LEF1: variants seen among roughly 807,000 people sequenced by gnomAD.
LEF1 encodes the protein lymphoid enhancer-binding factor 1.
In LEF1, 14 loss-of-function variants were observed where a neutral mutation model predicts 51.2. The ratio of observed to expected loss-of-function variants is 0.27; its 90% CI spans 0.18 to 0.43. The LOEUF (loss-of-function observed/expected upper bound fraction) is 0.43, where lower values mean the gene tolerates loss of function less well. Ranked by LOEUF, LEF1 falls within the 20% of genes least tolerant of loss-of-function variation. The pLI is 1.00. For missense variants in LEF1, 386 were observed against 512.0 expected (o/e 0.75, Z 2.37); for synonymous variants, 185 against 183.2 (o/e 1.01, Z -0.08).
At chr4:108,161,460 T>C (rs1261265580) in intron 3 of LEF1, among the ~76,000 whole-genome samples, 1 of 152,238 alleles carries the variant, frequency 6.6e-6, no homozygotes, top group East Asian at 1.9e-4. Context: ...ACATTTATTC[T>C]GGCCACAAAT....
chr4:108,103,343 G>C (rs1740945883), intron 3 of LEF1, among the ~76,000 whole-genome samples: 1 of 152,184 alleles, frequency 6.6e-6, no homozygotes, highest in Non-Finnish European at 1.5e-5. Context: ...GCTGATAAAT[G>C]GGATGTCAAG....
At position 108,109,035 on chromosome 4, in the gene LEF1, C is replaced by T. The variant is rs78020283; in HGVS notation, c.415-19778G>A. Among the ~76,000 whole-genome samples the T allele has an allele frequency of 2.0e-4, 30 of 152,308 alleles. No individual in the cohort carries two copies. The East Asian group carries it at 5.4e-3, about 27-fold the overall frequency. ...TTTGATGTGCAAAAACTTAACATTTCTACCTAGGGATGTAGTTTTGATAAC... is the reference window on the plus strand; with the variant it reads ...TTTGATGTGCAAAAACTTAACATTTTTACCTAGGGATGTAGTTTTGATAAC... On this transcript the variant is annotated intron_variant, in intron 3 of 11. Coordinates refer to ENST00000265165, the MANE Select transcript of LEF1 (RefSeq NM_016269.5).
At chr4:108,150,126 C>T (rs1017907767) in intron 3 of LEF1, among the ~76,000 whole-genome samples, 2 of 152,158 alleles carry the variant, frequency 1.3e-5, no homozygotes, top group Admixed American at 1.3e-4. Context: ...TTTAAACCAA[C>T]ATCATGATAC....
chr4:108,127,648 C>T (rs1012498585), intron 3 of LEF1, among the ~76,000 whole-genome samples: 53 of 152,266 alleles, frequency 3.5e-4, no homozygotes, highest in African/African-American at 1.1e-3. Flanking sequence ...GGCAGAGTAT[C>T]TAGCCATTTC....
chr4:108,158,365 C>T (rs1744858628), intron 3 of LEF1, among the ~76,000 whole-genome samples: 1 of 152,030 alleles, frequency 6.6e-6, no homozygotes, highest in Admixed American at 6.6e-5. Context: ...AGCACAAACA[C>T]TTAAGCAACA....
intron 3 of LEF1, among the ~76,000 whole-genome samples, chr4:108,106,645 A>C (rs1291075217): frequency 6.6e-6 from 1 of 152,206 alleles, no homozygotes; most frequent in Non-Finnish European, 1.5e-5. Flanking sequence ...GCAAAGTGGT[A>C]GAGCCAGCAC....
In LEF1 at chr4:108,079,562, G is replaced by A. The variant is rs1431667365; in HGVS notation, c.775C>T (p.Pro259Ser). The A allele has an allele frequency of 6.2e-7, 1 of 1,613,886 alleles. No homozygotes were observed. The highest frequency in any genetic ancestry group is 1.7e-5 in the Admixed American group (1 of 60,012). ...TGAGGTGTTACAATAGCTGGATGAG[G>A]GATGCCAGTTGTGTGGGGACCAGGA... ...GPPGPHTTGI[P>S]HPAIVTPQVK... Residue 259 changes from proline to serine, a missense_variant, in exon 7 of 12, where the codon CCT becomes TCT. By Grantham distance (74) the Pro-to-Ser change is moderately conservative. Coordinates refer to ENST00000265165, the MANE Select transcript of LEF1 (RefSeq NM_016269.5).
chr4:108,136,953 A>G (rs1743302325), intron 3 of LEF1, among the ~76,000 whole-genome samples: 1 of 152,184 alleles, frequency 6.6e-6, no homozygotes, highest in Non-Finnish European at 1.5e-5. Context: ...TTTGCTAAGG[A>G]TAAAGCTATT....
rs78633548 is a variant in LEF1 at position 108,102,939 on chromosome 4, G to A, written c.415-13682C>T. Among the ~76,000 whole-genome samples, 531 of 152,308 alleles carry A rather than the reference G, an allele frequency of 3.5e-3. 2 individuals carry two copies. Among genetic ancestry groups the A allele is most frequent in the African/African-American group, 0.012 (506 of 41,574 alleles). ...TTTGGATCTCATTATCACCCTGCAA[G>A]AAAGGTATTAATAAATATCCCATGT... is the stretch of plus-strand genomic sequence containing the variant. On this transcript the variant is annotated intron_variant, in intron 3 of 11. Transcript: ENST00000265165.
intron 3 of LEF1, among the ~76,000 whole-genome samples, chr4:108,119,993 ATGTGTGTGTGTGTGTGTG>A (rs34987010): frequency 7.4e-5 from 11 of 149,594 alleles, no homozygotes; most frequent in Admixed American, 5.3e-4. Flanking sequence ...TATTTTATAT[ATGTGTGTGTGTGTGTGTG>A]TGTGTGTGTG....
At chr4:108,050,113 C>A (rs1218892544) in intron 11 of LEF1, among the ~76,000 whole-genome samples, 1 of 152,192 alleles carries the variant, frequency 6.6e-6, no homozygotes, top group Non-Finnish European at 1.5e-5. Context: ...CAAAAACCAA[C>A]CAACCAACAA....
At chr4:108,155,708 A>T (rs1413634388) in intron 3 of LEF1, among the ~76,000 whole-genome samples, 1 of 152,204 alleles carries the variant, frequency 6.6e-6, no homozygotes, top group Admixed American at 6.5e-5. Context: ...CAGATCAGGT[A>T]GACAAGCCCG....
chr4:108,112,448 G>T (rs1301978866), intron 3 of LEF1, among the ~76,000 whole-genome samples: 2 of 152,180 alleles, frequency 1.3e-5, no homozygotes. Context: ...CCACCCATGG[G>T]CACACAGCCA....
intron 3 of LEF1, among the ~76,000 whole-genome samples, chr4:108,144,077 C>T (rs1001447984): frequency 1.3e-5 from 2 of 152,042 alleles, no homozygotes; most frequent in African/African-American, 2.4e-5. Flanking sequence ...GGAAGCAAGC[C>T]GGTTGAGGAG....
chr4:108,124,413 AG>A (rs1742384192), intron 3 of LEF1, among the ~76,000 whole-genome samples: 1 of 151,016 alleles, frequency 6.6e-6, no homozygotes, highest in Non-Finnish European at 1.5e-5. Context: ...TCTGTCCCCC[AG>A]GCTGGAGTGC....
intron 8 of LEF1, among the ~76,000 whole-genome samples, chr4:108,074,934 T>G (rs1043195040): frequency 7.6e-5 from 11 of 143,846 alleles, no homozygotes; most frequent in African/African-American, 2.7e-4. Context: ...GGCCCTTAAC[T>G]CAAAAAAGAA....
intron 3 of LEF1, among the ~76,000 whole-genome samples, chr4:108,162,433 T>C (rs1483420444): frequency 1.3e-5 from 2 of 152,232 alleles, no homozygotes; most frequent in Admixed American, 6.5e-5. Flanking sequence ...AATACTCTTG[T>C]TGATAACTGT....
At chr4:108,103,441 T>C (rs779632132) in intron 3 of LEF1, among the ~76,000 whole-genome samples, 11 of 152,216 alleles carry the variant, frequency 7.2e-5, no homozygotes, top group Non-Finnish European at 1.0e-4. Flanking sequence ...TTTATGTGCC[T>C]ATGTTTTTCA....
rs368019233 is a variant in LEF1, at chr4:108,154,638, A to G, written c.414+8930T>C. ...AGCCCAACTGTAATAAACAGTAAAT[A>G]TTATTTACTTCATATTTTGGTTTTG... is the stretch of plus-strand genomic sequence containing the variant. On this transcript the variant is annotated intron_variant, in intron 3 of 11. Coordinates refer to ENST00000265165, the MANE Select transcript of LEF1 (RefSeq NM_016269.5). Among the ~76,000 whole-genome samples, 7 of 152,094 alleles carry G rather than the reference A, an allele frequency of 4.6e-5. No homozygotes were observed. In the East Asian group the frequency reaches 1.3e-3, roughly 29 times the overall value.
Sources: gnomAD v4.1 joint callset for allele counts (sites outside exome capture counted in the v4.1 genomes callset) on GRCh38, gnomAD v4.1.1 for gene constraint, MANE v1.5 for transcripts, NCBI Gene and HGNC (gene_info 2026-07-23, HGNC 2026-07-21) for gene names.